The following CCNE2 variants were observed in gnomAD, a reference collection of about 807,000 sequenced individuals.
CCNE2 encodes the protein cyclin E2, also known as G1/S-specific cyclin-E2.
CCNE2 carries 18 observed loss-of-function variants against 56.8 expected under a neutral mutation model. The ratio of observed to expected loss-of-function variants is 0.32; its 90% CI spans 0.22 to 0.47. The LOEUF (loss-of-function observed/expected upper bound fraction) is 0.47. Among genes scored for constraint, CCNE2 ranks in the 20% least tolerant of loss-of-function variants. The pLI is 1.00. For missense variants in CCNE2, 371 were observed against 467.1 expected (o/e 0.79, Z 1.90); for synonymous variants, 139 against 149.2 (o/e 0.93, Z 0.50).
rs958597447 is a variant in CCNE2 at position 94,891,924 on chromosome 8, G to A, written c.317+894C>T. ...ATCTCCAAGTGAACAAAGCACCTAC[G>A]ATGTGCCAACGGACCTACAGAGCTC... On this transcript the variant is annotated intron_variant, in intron 5 of 11. Transcript: ENST00000308108. 5.8e-5 allele frequency: 73 copies of A among 1,259,470 alleles called. 2 individuals carry two copies. The highest frequency in any genetic ancestry group is 7.0e-5 in the Non-Finnish European group (62 of 879,918). The allele number at this position is 1,259,470 out of a possible 1,614,324, so 78.0% of individuals were successfully genotyped here.
chr8:94,890,744 C>A (rs1425352934), intron 5 of CCNE2, among the ~76,000 whole-genome samples, 194 bp from the exon 6 acceptor site: 2 of 151,854 alleles, frequency 1.3e-5, no homozygotes, highest in Non-Finnish European at 1.5e-5. Context: ...CAGGTGCCTG[C>A]CACCAAGCCT....
In CCNE2 at chr8:94,885,101, T is replaced by C; in HGVS notation, c.797A>G (p.Gln266Arg). 1 of 1,613,414 alleles carries C rather than the reference T, an allele frequency of 6.2e-7. No homozygotes were observed. Among genetic ancestry groups the C allele is most frequent in the South Asian group, 1.1e-5 (1 of 91,068 alleles). Residue 266 changes from glutamine to arginine, a missense_variant, in exon 9 of 12, where the codon CAG becomes CGG. Gln to Arg is a conservative substitution (Grantham distance 43). Transcript: ENST00000308108. ...LKDAPKVLLP[Q>R]YSQETFIQIA... ...TTGAATGAATGTTTCCTGAGAATAC[T>C]GAGGTAGAAGAACTTTAGGAGCATC... is the stretch of plus-strand genomic sequence containing the variant.
chr8:94,884,916 T>C, intron 9 of CCNE2, 151 bp downstream of exon 9: 1 of 606,026 alleles, frequency 1.7e-6, no homozygotes, highest in South Asian at 2.6e-5. Context: ...ACATAAACAC[T>C]GGGGACAGAA....
chr8:94,894,433 T>C (rs895151945), intron 1 of CCNE2, 186 bp from the exon 2 acceptor site: 2 of 599,394 alleles, frequency 3.3e-6, no homozygotes, highest in African/African-American at 1.9e-5. Context: ...CAAGCCTGCA[T>C]TTCCTCAACT....
chr8:94,895,151 C>A, intron 1 of CCNE2, 26 bp downstream of exon 1: 2 of 983,158 alleles, frequency 2.0e-6, no homozygotes, highest in Non-Finnish European at 2.4e-6. Context: ...CCTCCCACAT[C>A]CCCCCTACGC....
At chr8:94,894,272 C>A in intron 1 of CCNE2, 25 bp from the exon 2 acceptor site, 1 of 1,609,340 alleles carries the variant, frequency 6.2e-7, no homozygotes, top group Non-Finnish European at 8.5e-7. Context: ...GGAAAAGCCG[C>A]AGTCAAGTAC....
intron 9 of CCNE2, 21 bp from the exon 10 acceptor site, chr8:94,882,913 A>G (rs1816881511): frequency 6.7e-7 from 1 of 1,482,330 alleles, no homozygotes. Flanking sequence ...AAACAAAAGT[A>G]CAAGCAATTT....
chr8:94,893,093 A>C, intron 4 of CCNE2, 124 bp from the exon 5 acceptor site: 1 of 686,714 alleles, frequency 1.5e-6, no homozygotes. Flanking sequence ...ATAGATGGCA[A>C]TATAGCTAAT....
At chr8:94,882,933 A>G (rs1186555419) in intron 9 of CCNE2, 41 bp from the exon 10 acceptor site, 1 of 1,272,632 alleles carries the variant, frequency 7.9e-7, no homozygotes, top group Non-Finnish European at 1.1e-6. Flanking sequence ...TAGGAGAAAG[A>G]TGAGTACTAA....
At position 94,892,873 on chromosome 8, in the gene CCNE2, T is replaced by C; in HGVS notation, c.262A>G (p.Thr88Ala). Residue 88 changes from threonine (T) to alanine (A), a missense_variant, in exon 5 of 12, where the codon ACA (threonine) becomes GCA (alanine). Coordinates refer to ENST00000308108, the MANE Select transcript of CCNE2 (RefSeq NM_057749.3). ...EIGTSDFSRF[T>A]NYRFKNLFIN... Reference sequence around the variant, plus strand: ...AAAAGATTTTTAAATCTGTAATTTGTAAATCTGGAGAAATCACTTGTTCCT... The same window carrying C: ...AAAAGATTTTTAAATCTGTAATTTGCAAATCTGGAGAAATCACTTGTTCCT... 1 of 1,512,442 alleles carries C rather than the reference T, an allele frequency of 6.6e-7. No homozygotes were observed. The highest frequency in any genetic ancestry group is 8.9e-7 in the Non-Finnish European group (1 of 1,124,456). The allele number at this position is 1,512,442 out of a possible 1,614,324, so 93.7% of individuals were successfully genotyped here.
chr8:94,882,287 A>T lies in CCNE2; in HGVS notation c.946T>A (p.Leu316Met). The change falls in exon 11 of 12, where the codon TTG (leucine) becomes ATG (methionine). Residue 316 changes from leucine to methionine, a missense_variant and splice_region_variant. By Grantham distance (15) the Leu-to-Met change is conservative (BLOSUM62 2). Coordinates refer to ENST00000308108, the MANE Select transcript of CCNE2 (RefSeq NM_057749.3). ...CATTCTGAAATACTGTCCCACTCCA[A>T]ACCTAGATAGATAGAAAAAAGTTAG... ...SIEVVKKASG[L>M]EWDSISECVD... 1 of 1,594,118 alleles carries T rather than the reference A, an allele frequency of 6.3e-7. No individual in the cohort carries two copies.
At chr8:94,890,602 T>C in intron 5 of CCNE2, 52 bp from the exon 6 acceptor site, 1 of 637,916 alleles carries the variant, frequency 1.6e-6, no homozygotes, top group Non-Finnish European at 2.1e-6. Flanking sequence ...TTTTTTTTTT[T>C]TTTTTTTTGA....
chr8:94,885,059 G>A lies in CCNE2; in HGVS notation c.831+8C>T, dbSNP rs1816983912. The A allele has an allele frequency of 1.2e-6, 2 of 1,611,142 alleles. No homozygotes were observed. Among genetic ancestry groups the A allele is most frequent in the Non-Finnish European group, 1.7e-6 (2 of 1,178,102 alleles). ...ACATTACCATTGAATCAATAAAAAT[G>A]TCAGTACCTGAGCTATTTGAATGAA... On this transcript the variant is annotated splice_region_variant and intron_variant, in intron 9 of 11. Transcript: ENST00000308108.
At chr8:94,895,207 G>A, upstream of CCNE2, 3 of 985,870 alleles carry the variant, frequency 3.0e-6, no homozygotes, top group South Asian at 1.4e-4. Context: ...GGCTCAGCTG[G>A]CGCCGGCGCC....
chr8:94,881,729 A>G lies in CCNE2; in HGVS notation c.1118T>C (p.Ile373Thr), dbSNP rs747525082. The G allele has an allele frequency of 1.9e-6, 3 of 1,613,802 alleles. No homozygotes were observed. The East Asian group carries it at 6.7e-5, about 36-fold the overall frequency. The change falls in exon 12 of 12, where the codon ATA becomes ACA. Residue 373 changes from isoleucine (I) to threonine (T), a missense_variant. Ile to Thr is a moderately conservative substitution (Grantham distance 89, BLOSUM62 -1). Coordinates refer to ENST00000308108, the MANE Select transcript of CCNE2 (RefSeq NM_057749.3). Reference sequence around the variant, plus strand: ...CTGTCCCCCTTTTCTGAAGGTGTTTATGTAATTTACTTCCTCCTATACATG... The same window carrying G: ...CTGTCCCCCTTTTCTGAAGGTGTTTGTGTAATTTACTTCCTCCTATACATG... ...YLAMLEEVNY[I>T]NTFRKGGQLS...
chr8:94,893,429 C>T (rs1162608018), intron 4 of CCNE2: 1 of 162,890 alleles, frequency 6.1e-6, no homozygotes, highest in African/African-American at 2.4e-5. Context: ...CGATTCTTTT[C>T]CCAATAATGC....
intron 7 of CCNE2, 66 bp from the exon 8 acceptor site, chr8:94,885,624 C>T: frequency 1.0e-6 from 1 of 961,374 alleles, no homozygotes; most frequent in African/African-American, 1.7e-5. Flanking sequence ...GTTCCTCAGT[C>T]TACAATGGGG....
upstream of CCNE2, among the ~76,000 whole-genome samples, chr8:94,896,292 C>G (rs1426550519): frequency 6.7e-6 from 1 of 148,536 alleles, no homozygotes; most frequent in East Asian, 2.0e-4. Context: ...GCCAGCGCGC[C>G]CTGCGGAGCC....
rs1338321390 is a variant in CCNE2, at chr8:94,894,043, T to C, written c.91A>G (p.Lys31Glu). ...ATCACCTGGGTAGTTTTCCTCTTCT[T>C]GGCCTGGATTATCTGGGCTTCTTGG... Reference protein sequence around the residue: ...SPQEAQIIQAKKRKTTQDVKK... With the variant: ...SPQEAQIIQAEKRKTTQDVKK... Residue 31 changes from lysine (K) to glutamate (E), a missense_variant, in exon 3 of 12, where the codon AAG becomes GAG. Physicochemically the swap from Lys to Glu is moderately conservative, Grantham distance 56. Coordinates refer to ENST00000308108, the MANE Select transcript of CCNE2 (RefSeq NM_057749.3). 3 of 1,613,860 alleles carry C rather than the reference T, an allele frequency of 1.9e-6. No individual in the cohort carries two copies. Among genetic ancestry groups the C allele is most frequent in the Non-Finnish European group, 2.5e-6 (3 of 1,179,922 alleles).
Sources: gnomAD v4.1 joint callset for allele counts (sites outside exome capture counted in the v4.1 genomes callset) on GRCh38, gnomAD v4.1.1 for gene constraint, MANE v1.5 for transcripts, NCBI Gene and HGNC (gene_info 2026-07-23, HGNC 2026-07-21) for gene names.